Variants in DBNL observed in about 807,000 individuals in gnomAD.
DBNL encodes drebrin like.
DBNL carries 35 observed loss-of-function variants against 62.2 expected under a neutral mutation model. That is an observed-to-expected ratio of 0.56 (90% CI 0.43 to 0.75). DBNL has a LOEUF of 0.75. Ranked by LOEUF, DBNL falls within the 30% of genes least tolerant of loss-of-function variation. The probability of loss-of-function intolerance (pLI) is 0.00; values close to 1 mark genes in which losing one functional copy is unlikely to be tolerated. For missense variants in DBNL, 495 were observed against 578.4 expected (o/e 0.86, Z 1.48); for synonymous variants, 197 against 218.0 (o/e 0.90, Z 0.85).
Position 44,065,516 on chromosome 7 carries a change from CGGTG to C in DBNL, c.*4601_*4604del. ...CTCGCCGTGCCGGACCATCACGAGG[CGGTG>C]AGTGGCCATGGTGGCAGCAGGGACC... On this transcript the variant is annotated 3_prime_UTR_variant, in exon 13 of 13. Coordinates refer to ENST00000448521, the MANE Select transcript of DBNL (RefSeq NM_001014436.3). The C allele has an allele frequency of 6.2e-7, 1 of 1,613,972 alleles. No homozygotes were observed. Among genetic ancestry groups the C allele is most frequent in the Non-Finnish European group, 8.5e-7 (1 of 1,180,006 alleles).
chr7:44,057,982 C>CTGAG, intron 6 of DBNL, 123 bp downstream of exon 6: 1 of 1,530,668 alleles, frequency 6.5e-7, no homozygotes, highest in Non-Finnish European at 8.9e-7. Context: ...GATGGTCACA[C>CTGAG]TGAGGCTCGG....
chr7:44,065,210 T>C lies in DBNL; in HGVS notation c.*4294T>C, dbSNP rs750726418. On this transcript the variant is annotated 3_prime_UTR_variant, in exon 13 of 13. Coordinates refer to ENST00000448521, the MANE Select transcript of DBNL (RefSeq NM_001014436.3). The stretch of plus-strand genomic sequence containing the variant: ...CCAGATCTTCACCTGCTCCTCCCCG[T>C]GCTTGGCGGCCGTTTCTGCCTTGTT... 1.2e-6 allele frequency: 2 copies of C among 1,614,046 alleles called. No homozygotes were observed. Among genetic ancestry groups the C allele is most frequent in the Non-Finnish European group, 1.7e-6 (2 of 1,180,026 alleles).
At chr7:44,044,942 C>A in intron 1 of DBNL, 122 bp downstream of exon 1, 1 of 978,554 alleles carries the variant, frequency 1.0e-6, no homozygotes, top group Non-Finnish European at 1.4e-6. Flanking sequence ...AGGCAGGTGG[C>A]CTGGGGCTTA....
chr7:44,065,761 G>C lies in DBNL; in HGVS notation c.*4845G>C. 1 of 592,260 alleles carries C rather than the reference G, an allele frequency of 1.7e-6. No homozygotes were observed. Among genetic ancestry groups the C allele is most frequent in the Non-Finnish European group, 3.0e-6 (1 of 330,260 alleles). The allele number at this position is 592,260 out of a possible 1,614,324, so 36.7% of individuals were successfully genotyped here. On this transcript the variant is annotated 3_prime_UTR_variant, in exon 13 of 13. Coordinates refer to ENST00000448521, the MANE Select transcript of DBNL (RefSeq NM_001014436.3). ...CCACGCATCCACCAGCTCCTGGCCT[G>C]GGTTCAGGTGGCATGTCTATAACCA...
chr7:44,044,959 T>A, intron 1 of DBNL, 139 bp downstream of exon 1: 1 of 744,878 alleles, frequency 1.3e-6, no homozygotes, highest in Non-Finnish European at 2.0e-6. Flanking sequence ...CTTACCTGTC[T>A]GCCCCTCCAC....
In DBNL at chr7:44,065,940, G is replaced by A. The variant is rs140073788; in HGVS notation, c.*5024G>A. 3 of 324,184 alleles carry A rather than the reference G, an allele frequency of 9.3e-6. No homozygotes were observed. Among genetic ancestry groups the A allele is most frequent in the South Asian group, 3.0e-5 (1 of 33,860 alleles). 20.1% of individuals were successfully genotyped at this position (324,184 alleles called of 1,614,324 possible). A position where few individuals can be genotyped will look rare whatever the true frequency, so the allele number is the denominator to read the frequency against. On this transcript the variant is annotated 3_prime_UTR_variant, in exon 13 of 13. Transcript: ENST00000448521. ...ATCAGCCATTCTCTGCTCAGACAGA[G>A]GCACAAACAAAATCCCAACCCCTTT...
chr7:44,056,846 C>T lies in DBNL; in HGVS notation c.417C>T (p.Asn139=), dbSNP rs375223342. Reference sequence around the variant, plus strand: ...AGGTGGCCAAGGCTTCAGGTGCCAACTACAGCTTTCACAAGGAGAGTGGCC... The same window carrying T: ...AGGTGGCCAAGGCTTCAGGTGCCAATTACAGCTTTCACAAGGAGAGTGGCC... ...MEKVAKASGA[N]YSFHKESGRF... is the part of the protein sequence containing the mutation. The change falls in exon 5 of 13, where the codon AAC becomes AAT. Residue 139 remains asparagine, a synonymous_variant. Coordinates refer to ENST00000448521, the MANE Select transcript of DBNL (RefSeq NM_001014436.3). 1.2e-6 allele frequency: 2 copies of T among 1,614,058 alleles called. No individual in the cohort carries two copies. The highest frequency in any genetic ancestry group is 2.7e-5 in the African/African-American group (2 of 74,938).
chr7:44,046,834 T>C (rs2096118136), intron 1 of DBNL, among the ~76,000 whole-genome samples: 1 of 152,178 alleles, frequency 6.6e-6, no homozygotes, highest in African/African-American at 2.4e-5. Context: ...AAGCCTAGAC[T>C]CCTTGCCCTG....
At position 44,060,796 on chromosome 7, in the gene DBNL, C is replaced by T; in HGVS notation, c.1173C>T (p.Ser391=). 1.2e-6 allele frequency: 2 copies of T among 1,614,060 alleles called. No individual in the cohort carries two copies. The highest frequency in any genetic ancestry group is 1.1e-5 in the South Asian group (1 of 91,076). The change falls in exon 13 of 13, where the codon TCC becomes TCT. Residue 391 remains serine (S), a synonymous_variant. Coordinates refer to ENST00000448521, the MANE Select transcript of DBNL (RefSeq NM_001014436.3). The surrounding 1 kb of genome is among the most constrained non-coding windows in gnomAD (Gnocchi z 6.3). The part of the protein sequence containing the change: ...DYQAADDTEI[S]FDPENLITGI... Reference sequence around the variant, plus strand: ...TTGCAGCCGACGACACAGAGATCTCCTTTGACCCCGAGAACCTCATCACGG... The same window carrying T: ...TTGCAGCCGACGACACAGAGATCTCTTTTGACCCCGAGAACCTCATCACGG...
chr7:44,059,306 G>T lies in DBNL; in HGVS notation c.836-48G>T. 1 of 1,587,154 alleles carries T rather than the reference G, an allele frequency of 6.3e-7. No individual in the cohort carries two copies. Among genetic ancestry groups the T allele is most frequent in the Non-Finnish European group, 8.6e-7 (1 of 1,158,696 alleles). ...GGAGGGTGCTGTGGGGTGCGTGGGT[G>T]TGTGGTGGTGTTTCTGAAGTGATGT... On this transcript the variant is annotated intron_variant, in intron 9 of 12. Coordinates refer to ENST00000448521, the MANE Select transcript of DBNL (RefSeq NM_001014436.3). The surrounding 1 kb of genome is among the most constrained non-coding windows in gnomAD (Gnocchi z 4.1).
At position 44,062,458 on chromosome 7, in the gene DBNL, A is replaced by C; in HGVS notation, c.*1542A>C. 1 of 413,300 alleles carries C rather than the reference A, an allele frequency of 2.4e-6. No homozygotes were observed. The highest frequency in any genetic ancestry group is 4.6e-6 in the Non-Finnish European group (1 of 218,324). The allele number at this position is 413,300 out of a possible 1,614,324, so 25.6% of individuals were successfully genotyped here. A position where few individuals can be genotyped will look rare whatever the true frequency, so the allele number is the denominator to read the frequency against. On this transcript the variant is annotated 3_prime_UTR_variant, in exon 13 of 13. Coordinates refer to ENST00000448521, the MANE Select transcript of DBNL (RefSeq NM_001014436.3). Reference sequence around the variant, plus strand: ...AGAGCTGGGTCACTTGGCCTCTTCTAACTGGCCCCAAGCACGCCAATTCTG... The same window carrying C: ...AGAGCTGGGTCACTTGGCCTCTTCTCACTGGCCCCAAGCACGCCAATTCTG...
chr7:44,056,602 G>A, intron 4 of DBNL, 155 bp from the exon 5 acceptor site: 1 of 1,080,394 alleles, frequency 9.3e-7, no homozygotes, highest in Non-Finnish European at 1.3e-6. Context: ...AGGGGAACTC[G>A]TGCCTCAGTT....
rs1486661931 is a variant in DBNL, at chr7:44,069,201, AG to A, written c.*8287del. The A allele has an allele frequency of 6.6e-6, 1 of 152,264 alleles. No homozygotes were observed. Among genetic ancestry groups the A allele is most frequent in the African/African-American group, 2.4e-5 (1 of 41,476 alleles). The allele number at this position is 152,264 out of a possible 1,614,324, so 9.4% of individuals were successfully genotyped here. A position where few individuals can be genotyped will look rare whatever the true frequency, so the allele number is the denominator to read the frequency against. ...GGGCAATTCAAAACTTTGGGAATGC[AG>A]GAAGAACATCATAAATGGCAAAAGT... On this transcript the variant is annotated 3_prime_UTR_variant, in exon 13 of 13. Coordinates refer to ENST00000448521, the MANE Select transcript of DBNL (RefSeq NM_001014436.3).
Position 44,058,203 on chromosome 7 carries a change from C to T in DBNL, c.627C>T (p.Arg209=). 6.4e-7 allele frequency: 1 copy of T among 1,562,634 alleles called. No individual in the cohort carries two copies. Among genetic ancestry groups the T allele is most frequent in the Non-Finnish European group, 8.7e-7 (1 of 1,154,642 alleles). The change falls in exon 7 of 13, where the codon CGC becomes CGT. Residue 209 remains arginine (R), a synonymous_variant. Transcript: ENST00000448521. Reference sequence around the variant, plus strand: ...CACAGCGGCAGCTGGAGCAGGAGCGCCGGGAGCGTGAGCTGCGTGAGGCTG... The same window carrying T: ...CACAGCGGCAGCTGGAGCAGGAGCGTCGGGAGCGTGAGCTGCGTGAGGCTG... The part of the protein sequence containing the change: ...EEAQRQLEQE[R]RERELREAAR...
rs1216762415 is a variant in DBNL, at chr7:44,062,939, G to C, written c.*2023G>C. 1 of 1,613,680 alleles carries C rather than the reference G, an allele frequency of 6.2e-7. No homozygotes were observed. Among genetic ancestry groups the C allele is most frequent in the Non-Finnish European group, 8.5e-7 (1 of 1,179,570 alleles). ...CGCCTGGTCTGACATCCCTATGCCG[G>C]AAGGAATAGGTGTCCTTAGCCCCTC... On this transcript the variant is annotated 3_prime_UTR_variant, in exon 13 of 13. Transcript: ENST00000448521.
chr7:44,051,813 C>G lies in DBNL; in HGVS notation c.140-17C>G, dbSNP rs1034949805. 7.4e-6 allele frequency: 12 copies of G among 1,613,310 alleles called. No individual in the cohort carries two copies. Among genetic ancestry groups the G allele is most frequent in the Non-Finnish European group, 1.0e-5 (12 of 1,179,454 alleles). On this transcript the variant is annotated splice_polypyrimidine_tract_variant and intron_variant, in intron 2 of 12. Coordinates refer to ENST00000448521, the MANE Select transcript of DBNL (RefSeq NM_001014436.3). ...ATGTCAGGGCCACCCCTGACCTTCACTGTGACTCTGCTGCAGAGGGTGGCC... is the reference window on the plus strand; with the variant it reads ...ATGTCAGGGCCACCCCTGACCTTCAGTGTGACTCTGCTGCAGAGGGTGGCC...
chr7:44,053,738 G>A (rs1328905638), intron 4 of DBNL, among the ~76,000 whole-genome samples: 1 of 150,478 alleles, frequency 6.6e-6, no homozygotes, highest in Non-Finnish European at 1.5e-5. Context: ...GTGCAGTGGC[G>A]TGATCTTGGC....
chr7:44,049,329 T>C (rs2096122502), intron 1 of DBNL, among the ~76,000 whole-genome samples: 1 of 152,196 alleles, frequency 6.6e-6, no homozygotes, highest in African/African-American at 2.4e-5. Context: ...GCTGATTTTT[T>C]GTATTTTTAG....
chr7:44,065,337 G>T lies in DBNL; in HGVS notation c.*4421G>T, dbSNP rs765366480. On this transcript the variant is annotated 3_prime_UTR_variant, in exon 13 of 13. Coordinates refer to ENST00000448521, the MANE Select transcript of DBNL (RefSeq NM_001014436.3). ...CCGTCCAGGATGGCCCAGAGGGTGC[G>T]GATGGCCCGCTTCAGCACTGACGTG... The T allele has an allele frequency of 1.9e-6, 3 of 1,613,634 alleles. No homozygotes were observed. Among genetic ancestry groups the T allele is most frequent in the Non-Finnish European group, 2.5e-6 (3 of 1,180,040 alleles).
Sources: gnomAD v4.1 joint callset for allele counts (sites outside exome capture counted in the v4.1 genomes callset) on GRCh38, gnomAD v4.1.1 for gene constraint, Gnocchi (gnomAD v3.1) non-coding constraint, MANE v1.5 for transcripts, NCBI Gene and HGNC (gene_info 2026-07-23, HGNC 2026-07-21) for gene names.